Variants in RORA observed in about 807,000 individuals in gnomAD.
RORA encodes the protein nuclear receptor ROR-alpha.
In RORA, 7 loss-of-function variants were observed where a neutral mutation model predicts 69.5. That is an observed-to-expected ratio of 0.10 (90% CI 0.06 to 0.19). The LOEUF (loss-of-function observed/expected upper bound fraction) is 0.19. RORA is among the 10% of genes least tolerant of loss of function. The pLI, the probability that RORA is intolerant of heterozygous loss-of-function variation, is 1.00. For synonymous variants in RORA, 261 were observed against 240.8 expected, an observed-to-expected ratio of 1.08 and a Z score of -0.78; for missense variants, 457 against 663.0, an observed-to-expected ratio of 0.69 and a Z score of 3.41.
chr15:61,197,721 G>T (rs896882937), intron 1 of RORA, among the ~76,000 whole-genome samples: 1 of 152,100 alleles, frequency 6.6e-6, no homozygotes, highest in Non-Finnish European at 1.5e-5. Context: ...CTACCCAGAC[G>T]AACTCATTAC....
At chr15:60,541,548 C>T (rs2066872605) in intron 2 of RORA, among the ~76,000 whole-genome samples, 1 of 152,146 alleles carries the variant, frequency 6.6e-6, no homozygotes, top group Non-Finnish European at 1.5e-5. Flanking sequence ...TGTGCCTATT[C>T]CCAAGGGGAA....
At chr15:61,153,823 T>C (rs1349175166) in intron 1 of RORA, among the ~76,000 whole-genome samples, 1 of 152,168 alleles carries the variant, frequency 6.6e-6, no homozygotes, top group South Asian at 2.1e-4. Flanking sequence ...AAAGTTGTTA[T>C]GCAAGGGCAC....
chr15:61,178,781 T>G (rs112789625), intron 1 of RORA, among the ~76,000 whole-genome samples: 3 of 152,226 alleles, frequency 2.0e-5, no homozygotes, highest in African/African-American at 7.2e-5. Flanking sequence ...TACATATAAA[T>G]GACAAACAAC....
intron 1 of RORA, among the ~76,000 whole-genome samples, chr15:60,783,465 T>C (rs573683622): frequency 2.0e-5 from 3 of 152,316 alleles, no homozygotes; most frequent in East Asian, 3.9e-4. Flanking sequence ...AATTCACATA[T>C]GCATTACCTC....
intron 2 of RORA, among the ~76,000 whole-genome samples, chr15:60,655,919 G>T (rs2140707094): frequency 6.6e-6 from 1 of 152,212 alleles, no homozygotes; most frequent in East Asian, 1.9e-4. Flanking sequence ...GCTGATTAAA[G>T]AATAATTTCA....
At chr15:60,974,574 A>C (rs926091864) in intron 1 of RORA, among the ~76,000 whole-genome samples, 1 of 152,196 alleles carries the variant, frequency 6.6e-6, no homozygotes, top group African/African-American at 2.4e-5. Flanking sequence ...TTAAGAGCCA[A>C]AATATATGAA....
intron 1 of RORA, among the ~76,000 whole-genome samples, chr15:61,180,994 C>T (rs2140904087): frequency 6.6e-6 from 1 of 151,672 alleles, no homozygotes; most frequent in East Asian, 1.9e-4. Flanking sequence ...ATCCCAGCTA[C>T]TCGGGAGGCT....
At chr15:60,516,025 A>ATT (rs1769370408) in intron 3 of RORA, among the ~76,000 whole-genome samples, 2 of 11,816 alleles carry the variant, frequency 1.7e-4, no homozygotes, top group African/African-American at 4.8e-4. Context: ...ATATATTTAT[A>ATT]TATTTATATA....
At chr15:61,034,769 C>A in intron 1 of RORA, among the ~76,000 whole-genome samples, 1 of 123,246 alleles carries the variant, frequency 8.1e-6, no homozygotes, top group Non-Finnish European at 1.6e-5. Context: ...TGGTTGATTC[C>A]ACTAAAAACA....
intron 1 of RORA, among the ~76,000 whole-genome samples, chr15:61,123,710 G>C (rs2140824246): frequency 6.6e-6 from 1 of 152,238 alleles, no homozygotes; most frequent in African/African-American, 2.4e-5. Context: ...CGTCTTCCAG[G>C]AGATTCTAAC....
chr15:60,635,738 AAC>A (rs1366989724), intron 2 of RORA, among the ~76,000 whole-genome samples: 1 of 152,174 alleles, frequency 6.6e-6, no homozygotes, highest in Non-Finnish European at 1.5e-5. Context: ...CTTCCTTAGA[AAC>A]AGAGACACGC....
intron 2 of RORA, among the ~76,000 whole-genome samples, chr15:60,553,272 G>A (rs1754820112): frequency 6.6e-6 from 1 of 152,152 alleles, no homozygotes; most frequent in South Asian, 2.1e-4. Context: ...TGGCAAGTGA[G>A]TTTCAGCTCA....
rs142898413 is a variant in RORA, at chr15:61,187,195, G to A, written c.166+41858C>T. ...TATTAATTAGTTTTATTAGTGGCAG[G>A]TCCTTAATGCAAAATGACAGAGGGA... On this transcript the variant is annotated intron_variant, in intron 1 of 10. Transcript: ENST00000335670. Among the ~76,000 whole-genome samples, 894 of 152,300 alleles carry A rather than the reference G, an allele frequency of 5.9e-3. 17 individuals carry two copies. The highest frequency in any genetic ancestry group is 0.026 in the East Asian group (135 of 5,188).
At chr15:60,558,136 CG>C (rs1567085654) in intron 2 of RORA, 2 of 890,792 alleles carry the variant, frequency 2.2e-6, no homozygotes, top group Non-Finnish European at 3.6e-6. Context: ...AGTGCCACAC[CG>C]GGGGAAAGGG....
rs76458363 is a variant in RORA, at chr15:61,162,304, G to A, written c.166+66749C>T. 4.0e-4 allele frequency among the ~76,000 whole-genome samples: 61 copies of A among 152,240 alleles called. 1 individual carries two copies. In the East Asian group the frequency reaches 0.01, roughly 26 times the overall value. ...CTGGTAACCACATGATCTGGTCCTC[G>A]GTCCTGGGTCATTACAGTGGTCATG... On this transcript the variant is annotated intron_variant, in intron 1 of 10. Coordinates refer to ENST00000335670, the MANE Select transcript of RORA (RefSeq NM_134261.3).
chr15:61,182,662 T>G (rs2079698308), intron 1 of RORA, among the ~76,000 whole-genome samples: 1 of 152,196 alleles, frequency 6.6e-6, no homozygotes, highest in Non-Finnish European at 1.5e-5. Flanking sequence ...CCAAAGTATC[T>G]GTTGGTTACA....
intron 1 of RORA, among the ~76,000 whole-genome samples, chr15:61,146,206 G>C (rs2079346568): frequency 6.6e-6 from 1 of 152,084 alleles, no homozygotes; most frequent in South Asian, 2.1e-4. Flanking sequence ...TTATCCAAAG[G>C]AAAGATGCTA....
chr15:60,978,776 T>G (rs990078519), intron 1 of RORA, among the ~76,000 whole-genome samples: 1 of 152,102 alleles, frequency 6.6e-6, no homozygotes, highest in Non-Finnish European at 1.5e-5. Context: ...TATTGAGAAA[T>G]TTCTCTCCCA....
In RORA at chr15:60,816,149, T is replaced by G. The variant is rs201138486; in HGVS notation, c.167-137463A>C. On this transcript the variant is annotated intron_variant, in intron 1 of 10. Transcript: ENST00000335670. ...ATATGTATTTATATACTGTAAACAG[T>G]ATATGTATTTATATACTGTAAACAG... 1.9e-4 allele frequency among the ~76,000 whole-genome samples: 20 copies of G among 103,248 alleles called. No individual in the cohort carries two copies. In the East Asian group the frequency reaches 3.4e-3, roughly 17 times the overall value. The allele number at this position is 103,248 out of a possible 152,430, so 67.7% of individuals were successfully genotyped here.
Sources: allele counts gnomAD v4.1 joint callset (sites outside exome capture counted in the v4.1 genomes callset), GRCh38; gene constraint gnomAD v4.1.1; transcripts MANE v1.5; gene names NCBI Gene and HGNC (gene_info 2026-07-23, HGNC 2026-07-21).